Variants in TRRAP observed in about 807,000 individuals in gnomAD.
TRRAP encodes transformation/transcription domain associated protein.
A neutral mutation model predicts 438.8 loss-of-function variants in TRRAP; 41 were observed. The observed-to-expected ratio is 0.09, with a 90% CI of 0.07 to 0.12. TRRAP has a LOEUF of 0.12. Ranked by LOEUF, TRRAP falls within the 10% of genes least tolerant of loss-of-function variation. TRRAP has a pLI of 1.00. For synonymous variants in TRRAP, 1,994 were observed against 1,962.9 expected, an observed-to-expected ratio of 1.02 and a Z score of -0.42; for missense variants, 3,122 against 5,055.1, an observed-to-expected ratio of 0.62 and a Z score of 11.60.
chr7:98,923,255 G>A (rs1004288397), intron 21 of TRRAP, among the ~76,000 whole-genome samples: 1 of 152,010 alleles, frequency 6.6e-6, no homozygotes, highest in Non-Finnish European at 1.5e-5. Flanking sequence ...CCCTTTAGAA[G>A]TAGTTTTGCC....
At chr7:98,905,913 C>G (rs544435942) in intron 12 of TRRAP, among the ~76,000 whole-genome samples, 1 of 152,204 alleles carries the variant, frequency 6.6e-6, no homozygotes, top group South Asian at 2.1e-4. Flanking sequence ...CAGGGGACAC[C>G]AAGCTGATTT....
At chr7:98,919,476 C>T (rs1789684393) in intron 20 of TRRAP, among the ~76,000 whole-genome samples, 1 of 152,158 alleles carries the variant, frequency 6.6e-6, no homozygotes, top group South Asian at 2.1e-4. Context: ...GTGGTACATG[C>T]CTGTAGTCCC....
At chr7:98,932,655 T>C (rs1177711407) in intron 26 of TRRAP, among the ~76,000 whole-genome samples, 1 of 152,220 alleles carries the variant, frequency 6.6e-6, no homozygotes, top group Non-Finnish European at 1.5e-5. Flanking sequence ...TAAATTTTTA[T>C]GGGTACATGA....
Position 98,959,251 on chromosome 7 carries a change from A to G in TRRAP, c.6343-93A>G, listed in dbSNP as rs572756354. On this transcript the variant is annotated intron_variant, in intron 44 of 72. Transcript: ENST00000456197. ...TGAGGTGAAGATCTGAGACAGGTGTAAGGGCCAGGGCACAGTTGAGACGTG... is the reference window on the plus strand; with the variant it reads ...TGAGGTGAAGATCTGAGACAGGTGTGAGGGCCAGGGCACAGTTGAGACGTG... 7 of 1,532,082 alleles carry G rather than the reference A, an allele frequency of 4.6e-6. No homozygotes were observed. In the South Asian group the frequency reaches 8.8e-5, roughly 19 times the overall value. 94.9% of individuals were successfully genotyped at this position (1,532,082 alleles called of 1,614,324 possible). A position where few individuals can be genotyped will look rare whatever the true frequency, so the allele number is the denominator to read the frequency against.
In TRRAP at chr7:98,931,609, G is replaced by T; in HGVS notation, c.3796G>T (p.Val1266Leu). Residue 1266 changes from valine to leucine, a missense_variant, in exon 26 of 73, where the codon GTG (valine) becomes TTG (leucine). Transcript: ENST00000456197. ...VRKQAMHSLQ[V>L]LAQVTGKSVT... The stretch of plus-strand genomic sequence containing the variant: ...GAAGCAGGCCATGCATTCGCTGCAG[G>T]TGTTGGCCCAGGTCACTGGGAAGAG... 6.2e-7 allele frequency: 1 copy of T among 1,614,242 alleles called. No individual in the cohort carries two copies. Among genetic ancestry groups the T allele is most frequent in the Non-Finnish European group, 8.5e-7 (1 of 1,180,050 alleles).
At position 98,945,965 on chromosome 7, in the gene TRRAP, G is replaced by A. The variant is rs782527478; in HGVS notation, c.4548+15G>A. On this transcript the variant is annotated intron_variant, in intron 33 of 72. Transcript: ENST00000456197. ...AAGGGGTAGAGGTGAGAACTTGAGCGGAGCTACAGGAGGGGGTTGTTGTCG... is the reference window on the plus strand; with the variant it reads ...AAGGGGTAGAGGTGAGAACTTGAGCAGAGCTACAGGAGGGGGTTGTTGTCG... 1.7e-5 allele frequency: 24 copies of A among 1,444,914 alleles called. No homozygotes were observed. Among genetic ancestry groups the A allele is most frequent in the South Asian group, 5.2e-5 (4 of 76,374 alleles). 89.5% of individuals were successfully genotyped at this position (1,444,914 alleles called of 1,614,324 possible).
chr7:98,934,507 ACTC>A (rs1185138289), intron 27 of TRRAP, among the ~76,000 whole-genome samples: 10 of 151,488 alleles, frequency 6.6e-5, no homozygotes, highest in Middle Eastern at 3.2e-3. Context: ...TGCATGGAAA[ACTC>A]CTCACTGCAC....
intron 23 of TRRAP, among the ~76,000 whole-genome samples, chr7:98,929,077 T>C (rs1232915222): frequency 6.6e-6 from 1 of 152,094 alleles, no homozygotes; most frequent in African/African-American, 2.4e-5. Flanking sequence ...TAGCTGGGAT[T>C]ACAGGCACCT....
At position 98,915,907 on chromosome 7, in the gene TRRAP, G is replaced by C; in HGVS notation, c.2365+19G>C. On this transcript the variant is annotated intron_variant, in intron 19 of 72. Transcript: ENST00000456197. ...CTGCAAGGTCAGAGCAGTGACTTTGGTTGCCTTTTAGTCTTGTGTGTCATG... is the reference window on the plus strand; with the variant it reads ...CTGCAAGGTCAGAGCAGTGACTTTGCTTGCCTTTTAGTCTTGTGTGTCATG... 1 of 1,613,698 alleles carries C rather than the reference G, an allele frequency of 6.2e-7. No individual in the cohort carries two copies. Among genetic ancestry groups the C allele is most frequent in the Non-Finnish European group, 8.5e-7 (1 of 1,179,762 alleles).
chr7:98,942,862 C>A, intron 30 of TRRAP, 87 bp from the exon 31 acceptor site: 1 of 1,439,254 alleles, frequency 6.9e-7, no homozygotes, highest in Non-Finnish European at 9.7e-7. Flanking sequence ...ACACTAAACA[C>A]GATGGAAATG....
intron 67 of TRRAP, chr7:98,999,758 G>T: frequency 1.6e-6 from 1 of 628,370 alleles, no homozygotes; most frequent in Admixed American, 2.7e-5. Flanking sequence ...CTATTCTGGG[G>T]GCACTCATCT....
intron 47 of TRRAP, 47 bp downstream of exon 47, chr7:98,962,474 CT>C: frequency 1.9e-6 from 3 of 1,612,358 alleles, no homozygotes; most frequent in African/African-American, 1.3e-5. Context: ...AGTTTGGCCT[CT>C]TTCCCCGCTC....
intron 62 of TRRAP, among the ~76,000 whole-genome samples, chr7:98,987,039 C>G (rs748944218): frequency 6.6e-6 from 1 of 152,174 alleles, no homozygotes; most frequent in East Asian, 1.9e-4. Context: ...AATCCTAGCA[C>G]TTTGGGAGGC....
intron 68 of TRRAP, 143 bp from the exon 69 acceptor site, chr7:99,004,988 C>A: frequency 1.3e-6 from 1 of 749,832 alleles, no homozygotes; most frequent in Non-Finnish European, 2.2e-6. Flanking sequence ...CAGGGTGAGG[C>A]AGGGTACAAA....
At chr7:98,973,851 T>C (rs1413500988) in intron 53 of TRRAP, among the ~76,000 whole-genome samples, 2 of 152,196 alleles carry the variant, frequency 1.3e-5, no homozygotes, top group African/African-American at 4.8e-5. Context: ...TGCATGTCCT[T>C]GGGCCGCTCT....
intron 39 of TRRAP, among the ~76,000 whole-genome samples, chr7:98,951,497 C>T (rs1457434375): frequency 6.6e-6 from 1 of 152,146 alleles, no homozygotes; most frequent in Non-Finnish European, 1.5e-5. Flanking sequence ...TATCTCTGTG[C>T]TTTACAGTTT....
At chr7:98,942,517 A>G (rs1790841346) in intron 30 of TRRAP, among the ~76,000 whole-genome samples, 1 of 152,166 alleles carries the variant, frequency 6.6e-6, no homozygotes, top group African/African-American at 2.4e-5. Flanking sequence ...GTAGCTACAC[A>G]CAGCAGGCAC....
At chr7:98,898,097 C>T (rs1796304107) in intron 8 of TRRAP, among the ~76,000 whole-genome samples, 1 of 152,182 alleles carries the variant, frequency 6.6e-6, no homozygotes, top group South Asian at 2.1e-4. Flanking sequence ...CAGAATCACC[C>T]TGCTGGGAAG....
intron 49 of TRRAP, among the ~76,000 whole-genome samples, chr7:98,966,394 T>G (rs1792160916): frequency 6.6e-6 from 1 of 151,908 alleles, no homozygotes. Context: ...GTGGCTTTGC[T>G]CCTCTTAAAA....
Sources: allele counts gnomAD v4.1 joint callset (sites outside exome capture counted in the v4.1 genomes callset), GRCh38; gene constraint gnomAD v4.1.1; transcripts MANE v1.5; gene names NCBI Gene and HGNC (gene_info 2026-07-23, HGNC 2026-07-21).